MYH4: variants seen among roughly 807,000 people sequenced by gnomAD.
MYH4 encodes the protein myosin-4.
Under a neutral mutation model 229.9 loss-of-function variants are expected in MYH4, and 200 were observed. The observed-to-expected ratio is 0.87, with a 90% CI of 0.78 to 0.98. The LOEUF (loss-of-function observed/expected upper bound fraction) is 0.98. Among genes scored for constraint, MYH4 ranks in the 50% least tolerant of loss-of-function variants. The pLI is 0.00. For synonymous variants in MYH4, 761 were observed against 834.6 expected, an observed-to-expected ratio of 0.91 and a Z score of 1.52; for missense variants, 2,148 against 2,332.6, an observed-to-expected ratio of 0.92 and a Z score of 1.63.
chr17:10,458,617 A>T (rs1391023754), intron 15 of MYH4, among the ~76,000 whole-genome samples: 1 of 152,220 alleles, frequency 6.6e-6, no homozygotes, highest in East Asian at 1.9e-4. Context: ...TGATATCAAT[A>T]AGTATATGAC....
chr17:10,449,088 G>A, intron 30 of MYH4, 41 bp from the exon 31 acceptor site: 1 of 1,578,390 alleles, frequency 6.3e-7, no homozygotes, highest in Non-Finnish European at 8.7e-7. Flanking sequence ...AGCAGACTCA[G>A]AGTCACCACA....
chr17:10,459,567 C>T, intron 14 of MYH4, 146 bp from the exon 15 acceptor site: 1 of 1,402,628 alleles, frequency 7.1e-7, no homozygotes, highest in Non-Finnish European at 9.6e-7. Flanking sequence ...TAGTTCTAAA[C>T]AAAGTAGAAT....
chr17:10,444,474 T>C, intron 39 of MYH4, 130 bp downstream of exon 39: 1 of 667,754 alleles, frequency 1.5e-6, no homozygotes, highest in East Asian at 2.6e-5. Context: ...TTTCTCATTC[T>C]AAATATTCAT....
chr17:10,446,933 A>T, intron 35 of MYH4, 80 bp downstream of exon 35: 1 of 1,430,758 alleles, frequency 7.0e-7, no homozygotes, highest in Non-Finnish European at 9.6e-7. Flanking sequence ...ATTACTTTTT[A>T]CTTTATAAAC....
rs1370943347 is a variant in MYH4 at position 10,457,496 on chromosome 17, A to C, written c.1821T>G (p.Thr607=). Residue 607 remains threonine (T), a synonymous_variant, in exon 16 of 40, where the codon ACT becomes ACG. Coordinates refer to ENST00000255381, the MANE Select transcript of MYH4 (RefSeq NM_017533.2). ...CAGACTTCTGGTACAGCCCCACCAC[A>C]GTCTCATTCAGGGGGTCCTTGTTTT... is the stretch of plus-strand genomic sequence containing the variant. ...LDKNKDPLNE[T]VVGLYQKSAM... The C allele has an allele frequency of 6.2e-7, 1 of 1,614,152 alleles. No individual in the cohort carries two copies. Among genetic ancestry groups the C allele is most frequent in the South Asian group, 1.1e-5 (1 of 91,074 alleles).
In MYH4 at chr17:10,443,870, G is replaced by A. The variant is rs2072482849; in HGVS notation, c.5668-343C>T. On this transcript the variant is annotated intron_variant, in intron 39 of 39. Transcript: ENST00000255381. The surrounding 1 kb of genome is among the most constrained non-coding windows in gnomAD (Gnocchi z 4.6). ...AGAGATTGCAGTGAGCTGAGATTGT[G>A]CCATTGCACTCCAGCCTGGGCAACA... Among the ~76,000 whole-genome samples the A allele has an allele frequency of 6.6e-6, 1 of 150,968 alleles. No homozygotes were observed. The highest frequency in any genetic ancestry group is 1.9e-4 in the East Asian group (1 of 5,154).
At chr17:10,444,534 T>A in intron 39 of MYH4, 70 bp downstream of exon 39, 1 of 1,184,346 alleles carries the variant, frequency 8.4e-7, no homozygotes, top group Non-Finnish European at 1.2e-6. Context: ...CCCTAAATTC[T>A]ATAAACTTTA....
At position 10,449,036 on chromosome 17, in the gene MYH4, G is replaced by C. The variant is rs781773161; in HGVS notation, c.4193C>G (p.Ala1398Gly). Residue 1398 changes from alanine (A) to glycine (G), a missense_variant, in exon 31 of 40, where the codon GCC becomes GGC. Physicochemically the swap from Ala to Gly is moderately conservative, Grantham distance 60. Coordinates refer to ENST00000255381, the MANE Select transcript of MYH4 (RefSeq NM_017533.2). Reference protein sequence around the residue: ...EELEEAKKKLAQRLQDAEEHV... With the variant: ...EELEEAKKKLGQRLQDAEEHV... ...TTCTTCTGCATCCTGCAGACGCTGG[G>C]CTAGCTTCTTCCTGAAAATTGGGTC... 6.2e-7 allele frequency: 1 copy of C among 1,613,936 alleles called. No homozygotes were observed. The highest frequency in any genetic ancestry group is 1.1e-5 in the South Asian group (1 of 91,080).
chr17:10,458,237 G>T (rs1395407236), intron 15 of MYH4, among the ~76,000 whole-genome samples: 1 of 152,146 alleles, frequency 6.6e-6, no homozygotes, highest in East Asian at 1.9e-4. Flanking sequence ...ATTTGGTTTT[G>T]CTTTCTAAGA....
intron 27 of MYH4, 117 bp from the exon 28 acceptor site, chr17:10,451,569 T>C (rs374014449): frequency 1.7e-6 from 2 of 1,144,230 alleles, no homozygotes; most frequent in Non-Finnish European, 2.4e-6. Context: ...TTTCTATCAA[T>C]CTTGCATGGT....
intron 11 of MYH4, among the ~76,000 whole-genome samples, chr17:10,461,552 GTA>G (rs1255553435): frequency 6.6e-6 from 1 of 152,092 alleles, no homozygotes; most frequent in African/African-American, 2.4e-5. Context: ...TGGAAAGAGG[GTA>G]TGAGGAGAAC....
At chr17:10,456,864 G>C (rs2072645577) in intron 16 of MYH4, among the ~76,000 whole-genome samples, 1 of 152,238 alleles carries the variant, frequency 6.6e-6, no homozygotes, top group Non-Finnish European at 1.5e-5. Context: ...GAAGGGCCAA[G>C]GAGACAGAGT....
Position 10,453,871 on chromosome 17 carries a change from C to T in MYH4, c.2706G>A (p.Leu902=), listed in dbSNP as rs746559512. 12 of 1,613,920 alleles carry T rather than the reference C, an allele frequency of 7.4e-6. No individual in the cohort carries two copies. The Admixed American group carries it at 8.3e-5, about 11-fold the overall frequency. Reference sequence around the variant, plus strand: ...GATCACATCTTTCCTCTGCATCAGCCAAGGCATCTGCTTCCTAAAGGGAGA... The same window carrying T: ...GATCACATCTTTCCTCTGCATCAGCTAAGGCATCTGCTTCCTAAAGGGAGA... ...QLQVQAEADA[L]ADAEERCDQL... is the part of the protein sequence containing the mutation. The change falls in exon 23 of 40, where the codon TTG becomes TTA. Residue 902 remains leucine, a synonymous_variant. Coordinates refer to ENST00000255381, the MANE Select transcript of MYH4 (RefSeq NM_017533.2).
intron 28 of MYH4, 40 bp downstream of exon 28, chr17:10,451,286 T>G: frequency 6.2e-7 from 1 of 1,605,542 alleles, no homozygotes; most frequent in South Asian, 1.1e-5. Context: ...TGTCTTTCAT[T>G]CGTCACCTCT....
At chr17:10,452,657 TA>T in intron 25 of MYH4, 129 bp downstream of exon 25, 1 of 1,283,440 alleles carries the variant, frequency 7.8e-7, no homozygotes, top group Non-Finnish European at 1.1e-6. Context: ...TTTAATTAAA[TA>T]AAAAGGTCAA....
chr17:10,466,153 C>T lies in MYH4; in HGVS notation c.348+120G>A. The T allele has an allele frequency of 4.2e-6, 5 of 1,191,214 alleles. No homozygotes were observed. In the South Asian group the frequency reaches 7.7e-5, roughly 18 times the overall value. The allele number at this position is 1,191,214 out of a possible 1,614,324, so 73.8% of individuals were successfully genotyped here. A position where few individuals can be genotyped will look rare whatever the true frequency, so the allele number is the denominator to read the frequency against. On this transcript the variant is annotated intron_variant, in intron 4 of 39. Transcript: ENST00000255381. The stretch of plus-strand genomic sequence containing the variant: ...ACATATCAGAGTTTACAACATTAAC[C>T]AAACAATTGGTCATAAAAGAACAGT...
At chr17:10,459,833 G>C in intron 14 of MYH4, 119 bp downstream of exon 14, 1 of 1,567,082 alleles carries the variant, frequency 6.4e-7, no homozygotes, top group Non-Finnish European at 8.7e-7. Flanking sequence ...TCTTTTCAAA[G>C]ACTCCTTTCA....
Position 10,449,170 on chromosome 17 carries a change from C to A in MYH4, c.4182-123G>T, listed in dbSNP as rs964636954. 4.9e-6 allele frequency: 4 copies of A among 811,656 alleles called. No homozygotes were observed. In the African/African-American group the frequency reaches 6.9e-5, roughly 14 times the overall value. The allele number at this position is 811,656 out of a possible 1,614,324, so 50.3% of individuals were successfully genotyped here. A position where few individuals can be genotyped will look rare whatever the true frequency, so the allele number is the denominator to read the frequency against. ...GTTGTCTACAAGTTGTTGAATTTTT[C>A]TAAACATTTTCACTCTCTTAGAATT... On this transcript the variant is annotated intron_variant, in intron 30 of 39. Coordinates refer to ENST00000255381, the MANE Select transcript of MYH4 (RefSeq NM_017533.2).
intron 11 of MYH4, among the ~76,000 whole-genome samples, chr17:10,461,799 A>G (rs539923258): frequency 6.6e-6 from 1 of 152,330 alleles, no homozygotes; most frequent in East Asian, 1.9e-4. Flanking sequence ...AGGCTTATAA[A>G]TGGGGGCAGG....
Sources: gnomAD v4.1 joint callset for allele counts (sites outside exome capture counted in the v4.1 genomes callset) on GRCh38, gnomAD v4.1.1 for gene constraint, Gnocchi (gnomAD v3.1) non-coding constraint, MANE v1.5 for transcripts, NCBI Gene and HGNC (gene_info 2026-07-23, HGNC 2026-07-21) for gene names.